The following DENND1A variants were observed in gnomAD, a reference collection of about 807,000 sequenced individuals.
The protein encoded by DENND1A is DENN domain-containing protein 1A.
Under a neutral mutation model 113.7 loss-of-function variants are expected in DENND1A, and 51 were observed. That is an observed-to-expected ratio of 0.45 (90% CI 0.36 to 0.57). The LOEUF (loss-of-function observed/expected upper bound fraction) is 0.57. Among genes scored for constraint, DENND1A ranks in the 20% least tolerant of loss-of-function variants. The pLI is 0.00. For synonymous variants in DENND1A, 565 were observed against 570.8 expected (o/e 0.99, Z 0.14); for missense variants, 1,258 against 1,395.9 (o/e 0.90, Z 1.57).
At chr9:123,582,481 C>G (rs139305078) in intron 12 of DENND1A, among the ~76,000 whole-genome samples, 330 of 151,600 alleles carry the variant, frequency 2.2e-3, no homozygotes, top group African/African-American at 7.9e-3. Context: ...CTCACTGCAA[C>G]CTCTGCCTCC....
chr9:123,667,026 A>T lies in DENND1A; in HGVS notation c.507T>A (p.Asn169Lys). The T allele has an allele frequency of 6.3e-7, 1 of 1,590,540 alleles. No homozygotes were observed. Among genetic ancestry groups the T allele is most frequent in the Non-Finnish European group, 8.5e-7 (1 of 1,172,962 alleles). Residue 169 changes from asparagine to lysine, a missense_variant and splice_region_variant, in exon 8 of 24, where the codon AAT becomes AAA. Asn to Lys is a moderately conservative substitution (Grantham distance 94, BLOSUM62 0). Transcript: ENST00000394215. ...TTTTTTCTTCTTCCCAAGTACTTAC[A>T]TTCTCAGGTATGCTGGGAAGTTCTC... ...DTRELPSIPE[N>K]RNLTEYFVAV...
intron 5 of DENND1A, among the ~76,000 whole-genome samples, chr9:123,704,237 T>C (rs2066049349): frequency 6.6e-6 from 1 of 152,088 alleles, no homozygotes; most frequent in African/African-American, 2.4e-5. Context: ...CATGAACACT[T>C]TGAGCTCCCA....
At chr9:123,546,884 T>C (rs1276386938) in intron 13 of DENND1A, among the ~76,000 whole-genome samples, 1 of 152,272 alleles carries the variant, frequency 6.6e-6, no homozygotes. Flanking sequence ...TTTGAACATA[T>C]GGGAAATTTC....
At chr9:123,613,881 C>T (rs1664804082) in intron 10 of DENND1A, among the ~76,000 whole-genome samples, 1 of 152,180 alleles carries the variant, frequency 6.6e-6, no homozygotes, top group South Asian at 2.1e-4. Flanking sequence ...ACTGCACTAT[C>T]TGATTTCATC....
intron 9 of DENND1A, among the ~76,000 whole-genome samples, chr9:123,648,342 G>A (rs983591157): frequency 1.3e-5 from 2 of 152,224 alleles, no homozygotes; most frequent in African/African-American, 4.8e-5. Context: ...CTCCCAAAAT[G>A]TTGGGATTAT....
At chr9:123,928,197 C>T (rs1857421878) in intron 1 of DENND1A, among the ~76,000 whole-genome samples, 1 of 152,234 alleles carries the variant, frequency 6.6e-6, no homozygotes, top group East Asian at 1.9e-4. Context: ...ATTTGTCAAC[C>T]TGCTACCTTG....
chr9:123,395,468 C>CTCTCTCTCTGTGTGTGTGTGTGTGTG (rs367751848), intron 21 of DENND1A, among the ~76,000 whole-genome samples: 3 of 142,890 alleles, frequency 2.1e-5, no homozygotes, highest in Admixed American at 1.4e-4. Context: ...CTCTCTCTCT[C>CTCTCTCTCTGTGTGTGTGTGTGTGTG]TGTGTGTGTG....
intron 1 of DENND1A, among the ~76,000 whole-genome samples, chr9:123,914,347 G>A (rs897010196): frequency 2.0e-5 from 3 of 151,678 alleles, no homozygotes; most frequent in African/African-American, 4.8e-5. Flanking sequence ...GACTATCCTG[G>A]CTAACACAGT....
At chr9:123,598,861 T>C (rs2059818482) in intron 11 of DENND1A, among the ~76,000 whole-genome samples, 1 of 152,222 alleles carries the variant, frequency 6.6e-6, no homozygotes, top group Non-Finnish European at 1.5e-5. Flanking sequence ...AACGGACTCC[T>C]AGGCACCAAG....
At chr9:123,815,607 A>G (rs952285451) in intron 2 of DENND1A, among the ~76,000 whole-genome samples, 4 of 152,230 alleles carry the variant, frequency 2.6e-5, no homozygotes, top group Admixed American at 6.5e-5. Context: ...GATATTCTCA[A>G]TAAGTTAAGT....
chr9:123,708,081 T>C (rs376473937), intron 5 of DENND1A, among the ~76,000 whole-genome samples: 3 of 152,220 alleles, frequency 2.0e-5, no homozygotes, highest in East Asian at 3.9e-4. Context: ...GATGTGGTGA[T>C]AGCAGATTGC....
At chr9:123,443,749 G>A (rs1040495502) in intron 18 of DENND1A, among the ~76,000 whole-genome samples, 11 of 152,238 alleles carry the variant, frequency 7.2e-5, no homozygotes, top group Non-Finnish European at 1.6e-4. Flanking sequence ...GAGCCCAGGA[G>A]TTTGAGACCA....
chr9:123,607,486 GAGACACACACACAC>G (rs1564807238), intron 11 of DENND1A, among the ~76,000 whole-genome samples: 2 of 86,378 alleles, frequency 2.3e-5, no homozygotes, highest in African/African-American at 1.1e-4. Flanking sequence ...CACAGAGAGA[GAGACACACACACAC>G]ACACACACAC....
chr9:123,843,095 T>G (rs769650155), intron 2 of DENND1A: 12 of 539,542 alleles, frequency 2.2e-5, no homozygotes, highest in Non-Finnish European at 4.5e-5. Context: ...TATTTTCAAT[T>G]ATCCTAAGTG....
At chr9:123,711,003 T>C (rs1445572849) in intron 5 of DENND1A, among the ~76,000 whole-genome samples, 1 of 152,032 alleles carries the variant, frequency 6.6e-6, no homozygotes, top group East Asian at 1.9e-4. Context: ...ATTTCCCCTA[T>C]CTATCTTGGA....
At chr9:123,443,394 A>G (rs2047071849) in intron 18 of DENND1A, among the ~76,000 whole-genome samples, 1 of 152,256 alleles carries the variant, frequency 6.6e-6, no homozygotes, top group African/African-American at 2.4e-5. Context: ...CCTTGAATCT[A>G]GCACATGCTG....
At chr9:123,837,297 A>C in intron 2 of DENND1A, among the ~76,000 whole-genome samples, 1 of 152,194 alleles carries the variant, frequency 6.6e-6, no homozygotes, top group East Asian at 1.9e-4. Flanking sequence ...CAACAAAGAT[A>C]CTTCACAATT....
intron 22 of DENND1A, among the ~76,000 whole-genome samples, chr9:123,384,718 C>T (rs887593641): frequency 1.4e-4 from 21 of 152,278 alleles, no homozygotes; most frequent in African/African-American, 3.8e-4. Flanking sequence ...GAGGCCGAGG[C>T]GGGCGGATCA....
intron 5 of DENND1A, among the ~76,000 whole-genome samples, chr9:123,679,141 G>C (rs149151758): frequency 1.3e-5 from 2 of 152,186 alleles, no homozygotes; most frequent in Non-Finnish European, 2.9e-5. Context: ...AGAAAACTGT[G>C]ACTTCAAGTA....
Sources: allele counts gnomAD v4.1 joint callset (sites outside exome capture counted in the v4.1 genomes callset), GRCh38; gene constraint gnomAD v4.1.1; transcripts MANE v1.5; gene names NCBI Gene and HGNC (gene_info 2026-07-23, HGNC 2026-07-21).